Variants in CCSER1 observed in about 807,000 individuals in gnomAD.
CCSER1 encodes the protein coiled-coil serine rich protein 1.
CCSER1 carries 41 observed loss-of-function variants against 82.0 expected under a neutral mutation model. That is an observed-to-expected ratio of 0.50 (90% CI 0.39 to 0.65). The LOEUF (loss-of-function observed/expected upper bound fraction) is 0.65, where lower values mean the gene tolerates loss of function less well. Among genes scored for constraint, CCSER1 ranks in the 30% least tolerant of loss-of-function variants. CCSER1 has a pLI of 0.00. For synonymous variants in CCSER1, 414 were observed against 383.9 expected, an observed-to-expected ratio of 1.08 and a Z score of -0.92; for missense variants, 1,119 against 1,064.2, an observed-to-expected ratio of 1.05 and a Z score of -0.72.
At position 91,603,767 on chromosome 4, in the gene CCSER1, G is replaced by A. The variant is rs1404945436; in HGVS notation, c.*4710G>A. The A allele has an allele frequency of 6.6e-6, 1 of 152,042 alleles. No individual in the cohort carries two copies. The highest frequency in any genetic ancestry group is 1.5e-5 in the Non-Finnish European group (1 of 67,992). 9.4% of individuals were successfully genotyped at this position (152,042 alleles called of 1,614,324 possible). ...CTGGGTGACTAAACAACAGTCACTT[G>A]TGTCTCAAGTTCTGGAGGCTAGGAA... On this transcript the variant is annotated 3_prime_UTR_variant, in exon 11 of 11. Transcript: ENST00000509176.
chr4:90,431,231 C>T (rs1010608275), intron 4 of CCSER1, among the ~76,000 whole-genome samples: 4 of 152,020 alleles, frequency 2.6e-5, no homozygotes, highest in African/African-American at 4.8e-5. Context: ...CTCCTAACAG[C>T]TCAGTATGGA....
At chr4:90,408,414 G>A (rs535636710) in intron 4 of CCSER1, among the ~76,000 whole-genome samples, 11 of 152,278 alleles carry the variant, frequency 7.2e-5, no homozygotes, top group Admixed American at 2.6e-4. Context: ...TCACACGGCC[G>A]GATACTCCTC....
At chr4:90,392,368 T>G (rs545711894) in intron 3 of CCSER1, among the ~76,000 whole-genome samples, 1 of 152,066 alleles carries the variant, frequency 6.6e-6, no homozygotes, top group Non-Finnish European at 1.5e-5. Flanking sequence ...CATATAAATA[T>G]TAGCTTTTTC....
chr4:90,281,567 T>C (rs569091212), intron 1 of CCSER1, among the ~76,000 whole-genome samples: 10 of 151,994 alleles, frequency 6.6e-5, no homozygotes, highest in Non-Finnish European at 1.5e-4. Flanking sequence ...TTTCCCAGCC[T>C]GTCCAGGCCC....
chr4:90,568,837 G>A (rs1281523079), intron 5 of CCSER1, among the ~76,000 whole-genome samples: 2 of 149,512 alleles, frequency 1.3e-5, no homozygotes, highest in Non-Finnish European at 3.0e-5. Flanking sequence ...GTGCCGTGTC[G>A]GCTCACTGCA....
At chr4:91,235,145 A>G (rs6854662) in intron 10 of CCSER1, among the ~76,000 whole-genome samples, 3,947 of 152,112 alleles carry the variant, frequency 0.026, 65 homozygotes, top group South Asian at 0.049. Context: ...ATAAATTCTT[A>G]TTTTCCTCTT....
At chr4:90,285,911 C>T (rs914515376) in intron 1 of CCSER1, among the ~76,000 whole-genome samples, 1 of 151,840 alleles carries the variant, frequency 6.6e-6, no homozygotes, top group African/African-American at 2.4e-5. Flanking sequence ...TTTTGTCCTT[C>T]ATTCTGTTGA....
At chr4:90,236,783 G>A (rs745456211) in intron 1 of CCSER1, among the ~76,000 whole-genome samples, 2 of 151,824 alleles carry the variant, frequency 1.3e-5, no homozygotes, top group Non-Finnish European at 2.9e-5. Context: ...AAAAATTTGC[G>A]GGAATTTTGG....
intron 6 of CCSER1, among the ~76,000 whole-genome samples, chr4:90,698,000 C>G (rs911820484): frequency 6.6e-6 from 1 of 152,068 alleles, no homozygotes; most frequent in African/African-American, 2.4e-5. Flanking sequence ...GGGAAGTTTT[C>G]ATGGAGGATT....
At chr4:91,160,615 G>T (rs968673467) in intron 10 of CCSER1, among the ~76,000 whole-genome samples, 1 of 152,134 alleles carries the variant, frequency 6.6e-6, no homozygotes, top group Admixed American at 6.5e-5. Context: ...GTATCTCATT[G>T]TGGTTTTGAT....
chr4:91,374,829 C>T (rs1004210719), intron 10 of CCSER1, among the ~76,000 whole-genome samples: 21 of 152,156 alleles, frequency 1.4e-4, no homozygotes, highest in Non-Finnish European at 4.4e-5. Flanking sequence ...AATCCCATCT[C>T]TACTAAAAAT....
intron 5 of CCSER1, among the ~76,000 whole-genome samples, chr4:90,581,228 T>A (rs1781385209): frequency 6.6e-6 from 1 of 152,282 alleles, no homozygotes; most frequent in African/African-American, 2.4e-5. Context: ...CAATACTATA[T>A]GTGAATGAAT....
At chr4:91,421,797 T>C (rs1042902936) in intron 10 of CCSER1, among the ~76,000 whole-genome samples, 4 of 147,972 alleles carry the variant, frequency 2.7e-5, no homozygotes, top group African/African-American at 1.0e-4. Context: ...AAATTAAAAA[T>C]TAAAAAAAGT....
intron 5 of CCSER1, among the ~76,000 whole-genome samples, chr4:90,595,972 T>G (rs1783284236): frequency 6.6e-6 from 1 of 151,862 alleles, no homozygotes; most frequent in Non-Finnish European, 1.5e-5. Flanking sequence ...ACAAATAACC[T>G]GGAGAGTTTG....
intron 5 of CCSER1, among the ~76,000 whole-genome samples, chr4:90,522,432 C>G (rs1217048012): frequency 6.6e-6 from 1 of 152,154 alleles, no homozygotes; most frequent in African/African-American, 2.4e-5. Flanking sequence ...TGGCACTTCT[C>G]TTAACCTTTA....
At chr4:90,143,321 C>T (rs1725157528) in intron 1 of CCSER1, among the ~76,000 whole-genome samples, 4 of 152,242 alleles carry the variant, frequency 2.6e-5, no homozygotes, top group Non-Finnish European at 5.9e-5. Flanking sequence ...CTCTCACTAC[C>T]ATGTACCATA....
At chr4:90,275,513 T>C (rs1363669160) in intron 1 of CCSER1, among the ~76,000 whole-genome samples, 1 of 152,160 alleles carries the variant, frequency 6.6e-6, no homozygotes, top group East Asian at 1.9e-4. Context: ...CTTTTGGTGA[T>C]AACATTTTAG....
chr4:90,577,499 C>T (rs1400152236), intron 5 of CCSER1, among the ~76,000 whole-genome samples: 1 of 152,100 alleles, frequency 6.6e-6, no homozygotes, highest in African/African-American at 2.4e-5. Context: ...TAAGTTGTTA[C>T]TCCCTAATTT....
chr4:91,151,657 G>T (rs147604390), intron 10 of CCSER1, among the ~76,000 whole-genome samples: 2,888 of 152,300 alleles, frequency 0.019, 60 homozygotes, highest in Non-Finnish European at 0.028. Flanking sequence ...GTGTCCCAGA[G>T]ATTCTGGTAT....
Sources: gnomAD v4.1 joint callset for allele counts (sites outside exome capture counted in the v4.1 genomes callset) on GRCh38, gnomAD v4.1.1 for gene constraint, MANE v1.5 for transcripts, NCBI Gene and HGNC (gene_info 2026-07-23, HGNC 2026-07-21) for gene names.